Variants in EHMT1 observed in about 807,000 individuals in gnomAD.
EHMT1 encodes the protein euchromatic histone lysine methyltransferase 1, also known as histone-lysine N-methyltransferase EHMT1.
In EHMT1, 15 loss-of-function variants were observed where a neutral mutation model predicts 147.2. That is an observed-to-expected ratio of 0.10 (90% confidence interval 0.07 to 0.16). The LOEUF (loss-of-function observed/expected upper bound fraction) is 0.16, where lower values mean the gene tolerates loss of function less well. EHMT1 is among the 10% of genes least tolerant of loss of function. The pLI, the probability that EHMT1 is intolerant of heterozygous loss-of-function variation, is 1.00. For missense variants in EHMT1, 1,587 were observed against 1,772.4 expected (o/e 0.90, Z 1.88); for synonymous variants, 795 against 709.6 (o/e 1.12, Z -1.91).
chr9:137,809,670 T>C (rs574185485), intron 18 of EHMT1, among the ~76,000 whole-genome samples: 1 of 152,378 alleles, frequency 6.6e-6, no homozygotes, highest in African/African-American at 2.4e-5. Flanking sequence ...GCTCACGTGC[T>C]TTTAATCCAG....
At chr9:137,631,827 G>A (rs1285048038) in intron 1 of EHMT1, among the ~76,000 whole-genome samples, 6 of 152,186 alleles carry the variant, frequency 3.9e-5, no homozygotes, top group South Asian at 2.1e-4. Context: ...GCAGTGAACC[G>A]TGTTGGTGCC....
intron 16 of EHMT1, 115 bp from the exon 17 acceptor site, chr9:137,798,698 A>G (rs541537182): frequency 8.9e-5 from 77 of 863,632 alleles, no homozygotes; most frequent in Middle Eastern, 3.1e-4. Flanking sequence ...TCATTTGAGC[A>G]GGACAGTACC....
intron 10 of EHMT1, among the ~76,000 whole-genome samples, chr9:137,765,640 G>T (rs1588597363): frequency 7.6e-6 from 1 of 130,950 alleles, no homozygotes; most frequent in Admixed American, 8.1e-5. Flanking sequence ...TGACCCCCCA[G>T]CCCCACTCCC....
chr9:137,817,404 G>T (rs1385056732), intron 23 of EHMT1, 35 bp from the exon 24 acceptor site: 5 of 1,612,474 alleles, frequency 3.1e-6, no homozygotes, highest in Non-Finnish European at 4.2e-6. Flanking sequence ...GGCTGAGGCT[G>T]TGGCCTGGGT....
At chr9:137,644,059 G>A (rs561099641) in intron 1 of EHMT1, among the ~76,000 whole-genome samples, 1 of 152,296 alleles carries the variant, frequency 6.6e-6, no homozygotes, top group South Asian at 2.1e-4. Context: ...TTGTTTTGAC[G>A]ATGGGTGTGA....
intron 6 of EHMT1, 98 bp from the exon 7 acceptor site, chr9:137,752,233 G>C: frequency 2.1e-6 from 3 of 1,423,702 alleles, no homozygotes; most frequent in Non-Finnish European, 2.9e-6. Context: ...GCCAGTGCCC[G>C]TTTCGAGGTT....
chr9:137,682,384 T>C (rs1942037920), intron 1 of EHMT1, among the ~76,000 whole-genome samples: 1 of 152,206 alleles, frequency 6.6e-6, no homozygotes, highest in South Asian at 2.1e-4. Context: ...GAGGAAATAC[T>C]GAGTTTATTA....
chr9:137,716,523 G>A (rs1945305899), intron 2 of EHMT1, 103 bp from the exon 3 acceptor site: 1 of 938,136 alleles, frequency 1.1e-6, no homozygotes, highest in South Asian at 1.7e-5. Context: ...CATGGTGGGG[G>A]AGGAAGTTGT....
intron 1 of EHMT1, 49 bp downstream of exon 1, chr9:137,619,098 C>CG: frequency 1.6e-6 from 1 of 621,460 alleles, no homozygotes; most frequent in Non-Finnish European, 2.0e-6. Context: ...CGGGCAGCGG[C>CG]GGAGGCGGCG....
In EHMT1 at chr9:137,731,759, G is replaced by A. The variant is rs547356651; in HGVS notation, c.823+3230G>A. On this transcript the variant is annotated intron_variant, in intron 4 of 26. Transcript: ENST00000460843. This position sits in a 1 kb window ranked among gnomAD's most constrained non-coding sequence, Gnocchi z 4.3. ...TACCGGCCCAGATCCCACACCTTCC[G>A]AGGGCAAGCCAGGAGTGGAGCAGCG... Among the ~76,000 whole-genome samples the A allele has an allele frequency of 9.5e-4, 144 of 152,112 alleles. No homozygotes were observed. The highest frequency in any genetic ancestry group is 1.9e-3 in the Non-Finnish European group (126 of 68,002).
chr9:137,816,372 A>G, intron 23 of EHMT1: 2 of 425,220 alleles, frequency 4.7e-6, no homozygotes, highest in East Asian at 5.2e-5. Context: ...TCATGCGAAC[A>G]TTCTTCAACA....
intron 1 of EHMT1, among the ~76,000 whole-genome samples, chr9:137,662,238 C>T (rs984803648): frequency 6.6e-6 from 1 of 152,160 alleles, no homozygotes; most frequent in East Asian, 1.9e-4. Flanking sequence ...CACTCTGTCA[C>T]CCAGGCTGGA....
intron 1 of EHMT1, among the ~76,000 whole-genome samples, chr9:137,666,828 A>G (rs924891549): frequency 6.6e-6 from 1 of 152,218 alleles, no homozygotes; most frequent in Non-Finnish European, 1.5e-5. Flanking sequence ...TCCACAGAAA[A>G]TAAGACGTTG....
At chr9:137,641,554 G>A (rs997034432) in intron 1 of EHMT1, 49 of 305,732 alleles carry the variant, frequency 1.6e-4, no homozygotes, top group Non-Finnish European at 8.8e-5. Context: ...CCTGAAGAAC[G>A]TGGTTGGCCG....
Position 137,786,050 on chromosome 9 carries a change from T to G in EHMT1, c.2382+3653T>G, listed in dbSNP as rs1218066487. The G allele has an allele frequency of 6.6e-6, 1 of 152,572 alleles. No homozygotes were observed. Among genetic ancestry groups the G allele is most frequent in the Non-Finnish European group, 1.5e-5 (1 of 68,278 alleles). The allele number at this position is 152,572 out of a possible 1,614,324, so 9.5% of individuals were successfully genotyped here. Reference sequence around the variant, plus strand: ...GGCCCTGCCAGGGCTCCCTGCTGACTGCCTGTGCTCTGTGCTTGTCTGAAA... The same window carrying G: ...GGCCCTGCCAGGGCTCCCTGCTGACGGCCTGTGCTCTGTGCTTGTCTGAAA... On this transcript the variant is annotated intron_variant, in intron 15 of 26. Coordinates refer to ENST00000460843, the MANE Select transcript of EHMT1 (RefSeq NM_024757.5). This position sits in a 1 kb window ranked among gnomAD's most constrained non-coding sequence, Gnocchi z 4.3.
At chr9:137,831,149 C>T (rs1956159768) in intron 25 of EHMT1, among the ~76,000 whole-genome samples, 1 of 152,186 alleles carries the variant, frequency 6.6e-6, no homozygotes, top group African/African-American at 2.4e-5. Context: ...TTCCCAAAGC[C>T]TCACCCTAAC....
At chr9:137,802,732 G>A (rs934578341) in intron 18 of EHMT1, 16 of 1,063,140 alleles carry the variant, frequency 1.5e-5, no homozygotes, top group African/African-American at 1.3e-4. Context: ...CTGCAGGCAC[G>A]CAGGCCTCTC....
intron 1 of EHMT1, among the ~76,000 whole-genome samples, chr9:137,626,506 G>A (rs1385053364): frequency 1.4e-5 from 2 of 147,480 alleles, no homozygotes; most frequent in African/African-American, 5.0e-5. Context: ...CTGGGTGACA[G>A]AGTGAGAGAG....
intron 1 of EHMT1, among the ~76,000 whole-genome samples, chr9:137,642,788 C>G (rs1844588379): frequency 6.6e-6 from 1 of 152,202 alleles, no homozygotes; most frequent in Admixed American, 6.5e-5. Context: ...GGAGAAAAAA[C>G]AAATTATAAA....
Sources: gnomAD v4.1 joint callset for allele counts (sites outside exome capture counted in the v4.1 genomes callset) on GRCh38, gnomAD v4.1.1 for gene constraint, Gnocchi (gnomAD v3.1) non-coding constraint, MANE v1.5 for transcripts, NCBI Gene and HGNC (gene_info 2026-07-23, HGNC 2026-07-21) for gene names.